SPESP1: variants seen among roughly 807,000 people sequenced by gnomAD.
The protein encoded by SPESP1 is equatorial segment protein.
Under a neutral mutation model 3.1 loss-of-function variants are expected in SPESP1, and 1 was observed. That is an observed-to-expected ratio of 0.33 (90% CI 0.12 to 1.54). The LOEUF is 1.54. Ranked by LOEUF, SPESP1 falls within the 40% of genes most tolerant of loss-of-function variation. The probability of loss-of-function intolerance (pLI) is 0.38; values close to 1 mark genes in which losing one functional copy is unlikely to be tolerated. For synonymous variants in SPESP1, 138 were observed against 150.7 expected (o/e 0.92, Z 0.62); for missense variants, 398 against 410.1 (o/e 0.97, Z 0.26).
intron 1 of SPESP1, among the ~76,000 whole-genome samples, chr15:68,937,490 TTTTC>T (rs1895711807): frequency 6.6e-6 from 1 of 152,160 alleles, no homozygotes; most frequent in Non-Finnish European, 1.5e-5. Context: ...TTATTATTTT[TTTTC>T]TTTATTTCTT....
Position 68,945,907 on chromosome 15 carries a change from A to G in SPESP1, c.373A>G (p.Lys125Glu). 1.2e-6 allele frequency: 2 copies of G among 1,614,152 alleles called. No homozygotes were observed. Among genetic ancestry groups the G allele is most frequent in the Non-Finnish European group, 1.7e-6 (2 of 1,180,030 alleles). Residue 125 changes from lysine to glutamate, a missense_variant, in exon 2 of 2, where the codon AAA becomes GAA. Physicochemically the swap from Lys to Glu is moderately conservative, Grantham distance 56. Coordinates refer to ENST00000310673, the MANE Select transcript of SPESP1 (RefSeq NM_145658.4). Reference protein sequence around the residue: ...HTESTPFWSIKPNNVSIVLHA... With the variant: ...HTESTPFWSIEPNNVSIVLHA... ...GGAAAGTACCCCATTCTGGTCGATC[A>G]AACCAAACAATGTTTCCATTGTTTT...
Position 68,945,668 on chromosome 15 carries a change from G to T in SPESP1, c.134G>T (p.Arg45Leu), listed in dbSNP as rs775466523. 4 of 1,613,002 alleles carry T rather than the reference G, an allele frequency of 2.5e-6. No homozygotes were observed. Among genetic ancestry groups the T allele is most frequent in the Non-Finnish European group, 3.4e-6 (4 of 1,179,720 alleles). Residue 45 changes from arginine to leucine, a missense_variant, in exon 2 of 2, where the codon CGA becomes CTA. By Grantham distance (102) the Arg-to-Leu change is moderately radical. Transcript: ENST00000310673. ...HYIQVLENLV[R>L]SVPSGEPGRE... ...ATACAAGTTTTAGAGAACCTAGTAC[G>T]AAGTGTTCCCTCTGGGGAGCCAGGT...
In SPESP1 at chr15:68,944,928, A is replaced by G. The variant is rs78716232; in HGVS notation, c.65-671A>G. On this transcript the variant is annotated intron_variant, in intron 1 of 1. Coordinates refer to ENST00000310673, the MANE Select transcript of SPESP1 (RefSeq NM_145658.4). ...TGATTTGTAGCATTTGCTCATTTACATGGCGTAGATACTCCAACCATGGTT... is the reference window on the plus strand; with the variant it reads ...TGATTTGTAGCATTTGCTCATTTACGTGGCGTAGATACTCCAACCATGGTT... 5.0e-3 allele frequency among the ~76,000 whole-genome samples: 755 copies of G among 152,260 alleles called. 3 individuals carry two copies. Among genetic ancestry groups the G allele is most frequent in the Non-Finnish European group, 6.9e-3 (471 of 68,020 alleles).
intron 1 of SPESP1, among the ~76,000 whole-genome samples, chr15:68,937,483 T>C (rs748702812): frequency 7.2e-5 from 11 of 152,128 alleles, no homozygotes; most frequent in Non-Finnish European, 1.5e-4. Flanking sequence ...ATGGAACTTA[T>C]TATTTTTTTT....
intron 1 of SPESP1, among the ~76,000 whole-genome samples, chr15:68,931,566 G>T (rs1289092583): frequency 6.6e-6 from 1 of 152,154 alleles, no homozygotes; most frequent in Non-Finnish European, 1.5e-5. Context: ...CGCGGTCTGG[G>T]ACACTCACCT....
chr15:68,930,622 G>A lies in SPESP1; in HGVS notation c.-32G>A, dbSNP rs374671147. The A allele has an allele frequency of 2.5e-6, 4 of 1,613,078 alleles. No homozygotes were observed. The African/African-American group carries it at 4.0e-5, about 16-fold the overall frequency. On this transcript the variant is annotated 5_prime_UTR_variant, in exon 1 of 2. Coordinates refer to ENST00000310673, the MANE Select transcript of SPESP1 (RefSeq NM_145658.4). Reference sequence around the variant, plus strand: ...CAGCCTGGTGGCCCCAGGACGTTCCGGTCGCATGGCAGAGTGCTACGGACG... The same window carrying A: ...CAGCCTGGTGGCCCCAGGACGTTCCAGTCGCATGGCAGAGTGCTACGGACG...
intron 1 of SPESP1, among the ~76,000 whole-genome samples, chr15:68,938,909 T>G (rs1441473583): frequency 6.6e-6 from 1 of 152,178 alleles, no homozygotes; most frequent in African/African-American, 2.4e-5. Context: ...GCCTGGCACA[T>G]AGTGATCATT....
chr15:68,945,288 A>G (rs1273466159), intron 1 of SPESP1, among the ~76,000 whole-genome samples: 2 of 152,186 alleles, frequency 1.3e-5, no homozygotes, highest in Admixed American at 1.3e-4. Context: ...CATAATCAAG[A>G]ATTTTCGTTT....
At chr15:68,931,501 C>T (rs1895538760) in intron 1 of SPESP1, among the ~76,000 whole-genome samples, 2 of 152,024 alleles carry the variant, frequency 1.3e-5, no homozygotes, top group Admixed American at 6.6e-5. Context: ...TGGCCCTGTA[C>T]AGAAAAAAAG....
chr15:68,932,702 C>G (rs1393816088), intron 1 of SPESP1, among the ~76,000 whole-genome samples: 1 of 152,054 alleles, frequency 6.6e-6, no homozygotes, highest in Non-Finnish European at 1.5e-5. Flanking sequence ...AGCCTGTTGT[C>G]TTTCTTAGCA....
intron 1 of SPESP1, among the ~76,000 whole-genome samples, chr15:68,944,311 CT>C (rs75390989): frequency 0.11 from 14,666 of 131,248 alleles, 938 homozygotes; most frequent in African/African-American, 0.23. Flanking sequence ...ATAGAACTAC[CT>C]TTTTTTTTTT....
intron 1 of SPESP1, among the ~76,000 whole-genome samples, chr15:68,931,988 C>G (rs1595714643): frequency 6.6e-6 from 1 of 152,294 alleles, no homozygotes; most frequent in Non-Finnish European, 1.5e-5. Flanking sequence ...ACAACACAAT[C>G]TAAATTATGA....
chr15:68,946,064 A>G lies in SPESP1; in HGVS notation c.530A>G (p.Tyr177Cys), dbSNP rs760399415. ...TCTACAAGTCCATATGTTACCTCAT[A>G]CAAGTCACCTGTCACCACTTTAGAT... ...ESSTSPYVTS[Y>C]KSPVTTLDKS... The change falls in exon 2 of 2, where the codon TAC becomes TGC. Residue 177 changes from tyrosine (Y) to cysteine (C), a missense_variant. Coordinates refer to ENST00000310673, the MANE Select transcript of SPESP1 (RefSeq NM_145658.4). The G allele has an allele frequency of 1.9e-6, 3 of 1,614,236 alleles. No individual in the cohort carries two copies. Among genetic ancestry groups the G allele is most frequent in the South Asian group, 1.1e-5 (1 of 91,076 alleles).
intron 1 of SPESP1, among the ~76,000 whole-genome samples, 163 bp from the exon 2 acceptor site, chr15:68,945,436 T>G (rs1204880417): frequency 2.6e-5 from 4 of 152,206 alleles, no homozygotes; most frequent in Non-Finnish European, 5.9e-5. Flanking sequence ...TTTTGTTTAT[T>G]TAAGTGAAAG....
intron 1 of SPESP1, among the ~76,000 whole-genome samples, chr15:68,935,463 C>A (rs1354743136): frequency 6.6e-6 from 1 of 152,192 alleles, no homozygotes; most frequent in Non-Finnish European, 1.5e-5. Context: ...GACTTCTCAT[C>A]TTTCAGTACT....
intron 1 of SPESP1, among the ~76,000 whole-genome samples, chr15:68,938,247 C>T (rs374284018): frequency 1.8e-4 from 27 of 152,302 alleles, no homozygotes; most frequent in East Asian, 5.8e-4. Context: ...AGATTACAGG[C>T]GTGGGCCACC....
intron 1 of SPESP1, among the ~76,000 whole-genome samples, 169 bp from the exon 2 acceptor site, chr15:68,945,426 TTTTG>T (rs1434182849): frequency 2.0e-5 from 3 of 152,204 alleles, no homozygotes; most frequent in Non-Finnish European, 4.4e-5. Context: ...GAAGAAATAA[TTTTG>T]TTTATTTAAG....
chr15:68,931,754 C>T (rs1033378879), intron 1 of SPESP1, among the ~76,000 whole-genome samples: 14 of 152,122 alleles, frequency 9.2e-5, no homozygotes, highest in Non-Finnish European at 1.9e-4. Context: ...CATGTGGGCA[C>T]CTTAAGGCAC....
At chr15:68,936,008 T>C (rs1895671411) in intron 1 of SPESP1, among the ~76,000 whole-genome samples, 2 of 152,194 alleles carry the variant, frequency 1.3e-5, no homozygotes, top group South Asian at 4.1e-4. Flanking sequence ...AATTCTTACT[T>C]TAGTACTTAA....
Sources: allele counts gnomAD v4.1 joint callset (sites outside exome capture counted in the v4.1 genomes callset), GRCh38; gene constraint gnomAD v4.1.1; transcripts MANE v1.5; gene names NCBI Gene and HGNC (gene_info 2026-07-23, HGNC 2026-07-21).